FAT3: variants seen among roughly 807,000 people sequenced by gnomAD.
FAT3 encodes FAT atypical cadherin 3.
Under a neutral mutation model 310.2 loss-of-function variants are expected in FAT3, and 95 were observed. The observed-to-expected ratio is 0.31, with a 90% CI of 0.26 to 0.36. The LOEUF is 0.36. FAT3 is among the 10% of genes least tolerant of loss of function. The pLI, the probability that FAT3 is intolerant of heterozygous loss-of-function variation, is 1.00. For missense variants in FAT3, 5,408 were observed against 5,715.6 expected, an observed-to-expected ratio of 0.95 and a Z score of 1.74; for synonymous variants, 2,314 against 2,192.9, an observed-to-expected ratio of 1.06 and a Z score of -1.54.
At chr11:92,293,545 TATATATAAATAA>T (rs1314134096) in intron 1 of FAT3, among the ~76,000 whole-genome samples, 7 of 23,690 alleles carry the variant, frequency 3.0e-4, no homozygotes, top group Non-Finnish European at 4.7e-4. Flanking sequence ...TATATATATA[TATATATAAATAA>T]AATATATTCC....
At chr11:92,764,774 CTG>C (rs1245121585) in intron 5 of FAT3, 103 bp from the exon 6 acceptor site, 1 of 1,020,558 alleles carries the variant, frequency 9.8e-7, no homozygotes. Flanking sequence ...CTTGCTGACA[CTG>C]TGTTGAAGAT....
At chr11:92,281,111 A>G (rs1408925256) in intron 1 of FAT3, among the ~76,000 whole-genome samples, 1 of 152,200 alleles carries the variant, frequency 6.6e-6, no homozygotes, top group Non-Finnish European at 1.5e-5. Flanking sequence ...CATAGCTATT[A>G]GCTTTGTATT....
At chr11:92,577,900 A>G (rs542626386) in intron 3 of FAT3, among the ~76,000 whole-genome samples, 1 of 151,844 alleles carries the variant, frequency 6.6e-6, no homozygotes, top group Non-Finnish European at 1.5e-5. Flanking sequence ...AGGGAGAGAG[A>G]GATTGAGATA....
intron 2 of FAT3, among the ~76,000 whole-genome samples, chr11:92,447,243 G>GTGTA (rs1951241490): frequency 6.6e-6 from 1 of 151,826 alleles, no homozygotes; most frequent in Non-Finnish European, 1.5e-5. Flanking sequence ...GTGTGTGTGT[G>GTGTA]TGTGTGTGTG....
At position 92,397,733 on chromosome 11, in the gene FAT3, G is replaced by A. The variant is rs145850392; in HGVS notation, c.3292+42329G>A. Among the ~76,000 whole-genome samples the A allele has an allele frequency of 2.6e-4, 39 of 149,686 alleles. No homozygotes were observed. In the East Asian group the frequency reaches 6.9e-3, roughly 26 times the overall value. On this transcript the variant is annotated intron_variant, in intron 2 of 27. Transcript: ENST00000525166. Reference sequence around the variant, plus strand: ...CCTTCCATCCCCCGCTTGCGAACACGCCACCTCTTCTCCTTCCCAGAATTT... The same window carrying A: ...CCTTCCATCCCCCGCTTGCGAACACACCACCTCTTCTCCTTCCCAGAATTT...
rs765312584 is a variant in FAT3 at position 92,801,829 on chromosome 11, C to T, written c.8816C>T (p.Pro2939Leu). The change falls in exon 10 of 28, where the codon CCG (proline) becomes CTG (leucine). Residue 2939 changes from proline (P) to leucine (L), a missense_variant. This residue lies in a region of FAT3 where 4,588 missense variants were observed against 4,809.8 expected (regional missense o/e 0.95). Transcript: ENST00000525166. Reference sequence around the variant, plus strand: ...GGGAATGTGAAGGAGAGCGACCCACCGGGCGAGGTGGTAGCCGTCCTCAGC... The same window carrying T: ...GGGAATGTGAAGGAGAGCGACCCACTGGGCGAGGTGGTAGCCGTCCTCAGC... ...YRGNVKESDP[P>L]GEVVAVLSTW... 8.1e-6 allele frequency: 13 copies of T among 1,613,924 alleles called. No homozygotes were observed. Among genetic ancestry groups the T allele is most frequent in the Middle Eastern group, 1.7e-4 (1 of 6,060 alleles).
intron 2 of FAT3, among the ~76,000 whole-genome samples, chr11:92,462,690 T>C (rs1951665437): frequency 6.6e-6 from 1 of 152,228 alleles, no homozygotes; most frequent in African/African-American, 2.4e-5. Flanking sequence ...TTTATTTCTT[T>C]GCTCATGCCG....
In FAT3 at chr11:92,800,092, G is replaced by A. The variant is rs1189975258; in HGVS notation, c.7079G>A (p.Cys2360Tyr). The change falls in exon 10 of 28, where the codon TGC becomes TAC. Residue 2360 changes from cysteine to tyrosine, a missense_variant. By Grantham distance (194) the Cys-to-Tyr change is radical (BLOSUM62 -2). Coordinates refer to ENST00000525166, the MANE Select transcript of FAT3 (RefSeq NM_001367949.2). ...CTGGACCATGAGTTAGTACAACACT[G>A]CACTTTGAAAGTCAGATCAATAGAT... ...RMLDHELVQHCTLKVRSIDSG... is the reference protein window; with the variant it reads ...RMLDHELVQHYTLKVRSIDSG... 1 of 1,613,956 alleles carries A rather than the reference G, an allele frequency of 6.2e-7. No homozygotes were observed. The highest frequency in any genetic ancestry group is 1.3e-5 in the African/African-American group (1 of 75,040).
chr11:92,796,596 A>G (rs576676322), intron 9 of FAT3, among the ~76,000 whole-genome samples: 1 of 152,332 alleles, frequency 6.6e-6, no homozygotes, highest in Admixed American at 6.5e-5. Flanking sequence ...CAGAAAGAAA[A>G]GTCCAGATAG....
intron 1 of FAT3, among the ~76,000 whole-genome samples, chr11:92,287,949 G>A (rs1226569746): frequency 6.6e-6 from 1 of 152,116 alleles, no homozygotes; most frequent in Non-Finnish European, 1.5e-5. Context: ...AAACTGCAGA[G>A]CAAATGAGTT....
intron 3 of FAT3, among the ~76,000 whole-genome samples, chr11:92,616,789 T>C (rs1940832771): frequency 6.6e-6 from 1 of 152,194 alleles, no homozygotes; most frequent in African/African-American, 2.4e-5. Context: ...TCTTTAAGAA[T>C]GTTGAATATT....
At chr11:92,315,190 T>C (rs1021620407) in intron 1 of FAT3, among the ~76,000 whole-genome samples, 2 of 150,868 alleles carry the variant, frequency 1.3e-5, no homozygotes, top group Non-Finnish European at 2.9e-5. Flanking sequence ...AGGGTCCTTC[T>C]ATAGCACATC....
intron 1 of FAT3, among the ~76,000 whole-genome samples, chr11:92,302,031 A>C (rs895510933): frequency 2.0e-5 from 3 of 152,110 alleles, no homozygotes; most frequent in Admixed American, 2.0e-4. Context: ...GTATGCATAC[A>C]TGCATGCAGA....
At chr11:92,423,302 C>T (rs1950567946) in intron 2 of FAT3, among the ~76,000 whole-genome samples, 1 of 152,030 alleles carries the variant, frequency 6.6e-6, no homozygotes, top group Non-Finnish European at 1.5e-5. Flanking sequence ...TTGGAAATGA[C>T]ACATAATAAA....
At chr11:92,376,868 G>A (rs371533447) in intron 2 of FAT3, among the ~76,000 whole-genome samples, 1 of 152,168 alleles carries the variant, frequency 6.6e-6, no homozygotes, top group Non-Finnish European at 1.5e-5. Context: ...TGAGCAAGAC[G>A]CTGCTGAATT....
intron 9 of FAT3, among the ~76,000 whole-genome samples, chr11:92,797,070 G>A (rs1157038081): frequency 6.6e-6 from 1 of 152,162 alleles, no homozygotes; most frequent in Non-Finnish European, 1.5e-5. Flanking sequence ...GTTACAGATT[G>A]AGCAACTGCC....
At chr11:92,724,885 C>T (rs958719295) in intron 4 of FAT3, among the ~76,000 whole-genome samples, 10 of 152,110 alleles carry the variant, frequency 6.6e-5, no homozygotes, top group Admixed American at 3.3e-4. Context: ...ATTACAGTGG[C>T]GTGGTTACTT....
intron 4 of FAT3, among the ~76,000 whole-genome samples, chr11:92,717,124 C>A (rs750746348): frequency 2.0e-5 from 3 of 152,150 alleles, no homozygotes; most frequent in Non-Finnish European, 4.4e-5. Context: ...AACAGAATGT[C>A]TTGCGTACAG....
chr11:92,461,131 A>C (rs2135108990), intron 2 of FAT3, among the ~76,000 whole-genome samples: 1 of 152,310 alleles, frequency 6.6e-6, no homozygotes, highest in South Asian at 2.1e-4. Context: ...AGTTTGCATT[A>C]AGATATTACT....
Sources: allele counts gnomAD v4.1 joint callset (sites outside exome capture counted in the v4.1 genomes callset), GRCh38; gene constraint gnomAD v4.1.1; regional missense constraint gnomAD v4.1.1; transcripts MANE v1.5; gene names NCBI Gene and HGNC (gene_info 2026-07-23, HGNC 2026-07-21).